Variants in ANKRD55 observed in about 807,000 individuals in gnomAD.
The protein encoded by ANKRD55 is ankyrin repeat domain-containing protein 55.
In ANKRD55, 41 loss-of-function variants were observed where a neutral mutation model predicts 60.6. The ratio of observed to expected loss-of-function variants is 0.68; its 90% CI spans 0.53 to 0.88. The LOEUF (loss-of-function observed/expected upper bound fraction) is 0.88, where lower values mean the gene tolerates loss of function less well. Among genes scored for constraint, ANKRD55 ranks in the 40% least tolerant of loss-of-function variants. ANKRD55 has a pLI of 0.00. For synonymous variants in ANKRD55, 264 were observed against 290.3 expected (o/e 0.91, Z 0.92); for missense variants, 732 against 767.6 (o/e 0.95, Z 0.55).
At chr5:56,139,261 G>C (rs1283087264) in intron 7 of ANKRD55, among the ~76,000 whole-genome samples, 2 of 152,050 alleles carry the variant, frequency 1.3e-5, no homozygotes, top group African/African-American at 4.8e-5. Flanking sequence ...AAATTTATTG[G>C]AGTGAATTCA....
At chr5:56,199,992 A>G (rs913078222) in intron 2 of ANKRD55, among the ~76,000 whole-genome samples, 2 of 152,154 alleles carry the variant, frequency 1.3e-5, no homozygotes, top group Admixed American at 6.5e-5. Flanking sequence ...TTTAATTGTA[A>G]TATGTATATA....
At chr5:56,132,193 A>C (rs1757438507) in intron 7 of ANKRD55, among the ~76,000 whole-genome samples, 1 of 152,088 alleles carries the variant, frequency 6.6e-6, no homozygotes, top group Admixed American at 6.6e-5. Flanking sequence ...TTGTAAACAT[A>C]CTTGGTATAC....
intron 7 of ANKRD55, among the ~76,000 whole-genome samples, chr5:56,131,342 G>A (rs1420378893): frequency 6.6e-6 from 1 of 152,156 alleles, no homozygotes; most frequent in Non-Finnish European, 1.5e-5. Context: ...AGAAGAGACT[G>A]GAGTGAAATA....
At chr5:56,105,860 C>T (rs1199671943) in intron 10 of ANKRD55, among the ~76,000 whole-genome samples, 1 of 152,208 alleles carries the variant, frequency 6.6e-6, no homozygotes, top group Non-Finnish European at 1.5e-5. Context: ...CTCTCTTTTG[C>T]AGGAGAAAGG....
intron 2 of ANKRD55, among the ~76,000 whole-genome samples, chr5:56,224,363 T>A (rs1387653844): frequency 6.6e-6 from 1 of 152,120 alleles, no homozygotes; most frequent in African/African-American, 2.4e-5. Context: ...TTTATAGCAC[T>A]AAATGCCCAC....
chr5:56,229,964 G>A (rs372501033), intron 2 of ANKRD55, among the ~76,000 whole-genome samples: 169 of 152,318 alleles, frequency 1.1e-3, no homozygotes, highest in Admixed American at 3.2e-3. Flanking sequence ...GGGTAGGTTG[G>A]ATGACTGGTT....
In ANKRD55 at chr5:56,208,964, C is replaced by CT. The variant is rs529905448; in HGVS notation, c.58+23891dup. ...TAGTTTTGTTTTTTGCTCTTTTTCA[C>CT]TTTTTTTTTTTGAGTCAGAGTCTCG... is the stretch of plus-strand genomic sequence containing the variant. On this transcript the variant is annotated intron_variant, in intron 2 of 11. Transcript: ENST00000341048. 5.4e-3 allele frequency among the ~76,000 whole-genome samples: 789 copies of CT among 145,916 alleles called. 9 individuals are homozygous for CT. The highest frequency in any genetic ancestry group is 0.022 in the South Asian group (99 of 4,590).
chr5:56,186,208 CCCATGCTGGA>C (rs1758969616), intron 2 of ANKRD55, among the ~76,000 whole-genome samples: 1 of 152,154 alleles, frequency 6.6e-6, no homozygotes, highest in South Asian at 2.1e-4. Flanking sequence ...CGTTGGGTCA[CCCATGCTGGA>C]GTGCAGTGGC....
At chr5:56,219,359 A>AGAAATGCT (rs1759906581) in intron 2 of ANKRD55, among the ~76,000 whole-genome samples, 1 of 152,200 alleles carries the variant, frequency 6.6e-6, no homozygotes, top group South Asian at 2.1e-4. Context: ...CTGAGAGCAC[A>AGAAATGCT]CTTAGAAATG....
At chr5:56,119,822 T>C (rs1344307886) in intron 8 of ANKRD55, among the ~76,000 whole-genome samples, 1 of 151,826 alleles carries the variant, frequency 6.6e-6, no homozygotes, top group Non-Finnish European at 1.5e-5. Context: ...GAGGTTGAGG[T>C]GGGAGGATTG....
chr5:56,117,057 A>AC, intron 8 of ANKRD55: 1 of 292,664 alleles, frequency 3.4e-6, no homozygotes, highest in South Asian at 6.9e-5. Context: ...AAGGGTATGA[A>AC]CAGTTTTGAG....
At chr5:56,205,974 G>GTT (rs367698877) in intron 2 of ANKRD55, among the ~76,000 whole-genome samples, 1,912 of 134,938 alleles carry the variant, frequency 0.014, 25 homozygotes, top group East Asian at 0.026. Flanking sequence ...TTTCTTTCTT[G>GTT]TTTTTTTTTT....
intron 3 of ANKRD55, among the ~76,000 whole-genome samples, chr5:56,181,266 ATTCACACCTTG>A (rs1341542692): frequency 6.6e-6 from 1 of 152,192 alleles, no homozygotes; most frequent in Non-Finnish European, 1.5e-5. Flanking sequence ...GAGAGTGGAC[ATTCACACCTTG>A]TTCCAGGTCT....
intron 7 of ANKRD55, among the ~76,000 whole-genome samples, chr5:56,132,007 C>T (rs1268924869): frequency 1.3e-5 from 2 of 151,584 alleles, no homozygotes; most frequent in African/African-American, 4.8e-5. Flanking sequence ...GCTAATGCAT[C>T]TATCTTTATA....
chr5:56,106,674 C>T (rs566087356), intron 10 of ANKRD55, among the ~76,000 whole-genome samples: 22 of 152,116 alleles, frequency 1.4e-4, no homozygotes, highest in Non-Finnish European at 2.2e-4. Context: ...TCAGGTGATC[C>T]GCCTACCTTG....
intron 2 of ANKRD55, among the ~76,000 whole-genome samples, chr5:56,223,565 G>A (rs952936080): frequency 4.6e-5 from 7 of 152,208 alleles, no homozygotes; most frequent in African/African-American, 1.7e-4. Context: ...TGCCAAATTG[G>A]ATAAAGAGTC....
Position 56,102,543 on chromosome 5 carries a change from C to T in ANKRD55, c.1674G>A (p.Arg558=), listed in dbSNP as rs1455022923. The T allele has an allele frequency of 1.2e-6, 2 of 1,613,348 alleles. No individual in the cohort carries two copies. Among genetic ancestry groups the T allele is most frequent in the South Asian group, 1.1e-5 (1 of 91,040 alleles). ...QHLSPNRHKI[R]DLPFTRNNLA... ...GGTTGTTCCGAGTGAAAGGAAGATC[C>T]CTGATTTTGTGTCTGTTTGGGGAAA... The change falls in exon 11 of 12, where the codon AGG becomes AGA. Residue 558 remains arginine (R), a synonymous_variant. Coordinates refer to ENST00000341048, the MANE Select transcript of ANKRD55 (RefSeq NM_024669.3).
In ANKRD55 at chr5:56,171,154, A is replaced by G. The variant is rs573685442; in HGVS notation, c.313-351T>C. Among the ~76,000 whole-genome samples the G allele has an allele frequency of 2.6e-5, 4 of 152,278 alleles. No individual in the cohort carries two copies. The South Asian group carries it at 6.2e-4, about 24-fold the overall frequency. On this transcript the variant is annotated intron_variant, in intron 4 of 11. Transcript: ENST00000341048. ...GTCTTCTATTGCAAGCTCCTTTTCT[A>G]GTAACCACAAGGACAGCACCTTGCT...
At chr5:56,195,434 C>T (rs1759206852) in intron 2 of ANKRD55, among the ~76,000 whole-genome samples, 2 of 152,042 alleles carry the variant, frequency 1.3e-5, no homozygotes, top group South Asian at 4.1e-4. Context: ...ACTTACTCTG[C>T]TGTTTAGCTA....
Sources: allele counts gnomAD v4.1 joint callset (sites outside exome capture counted in the v4.1 genomes callset), GRCh38; gene constraint gnomAD v4.1.1; transcripts MANE v1.5; gene names NCBI Gene and HGNC (gene_info 2026-07-23, HGNC 2026-07-21).